The following CDYL variants were observed in gnomAD, a reference collection of about 807,000 sequenced individuals.
CDYL encodes the protein chromodomain Y like.
CDYL carries 8 observed loss-of-function variants against 47.3 expected under a neutral mutation model. The ratio of observed to expected loss-of-function variants is 0.17; its 90% CI spans 0.10 to 0.31. CDYL has a LOEUF of 0.31. CDYL is among the 10% of genes least tolerant of loss of function. CDYL has a pLI of 1.00. For missense variants in CDYL, 471 were observed against 701.4 expected (o/e 0.67, Z 3.71); for synonymous variants, 266 against 265.0 (o/e 1.00, Z -0.04).
intron 2 of CDYL, among the ~76,000 whole-genome samples, chr6:4,893,283 C>G (rs1187614296): frequency 6.6e-6 from 1 of 152,252 alleles, no homozygotes; most frequent in Admixed American, 6.5e-5. Flanking sequence ...CCGCTGCCCT[C>G]TGGCTCGCTC....
intron 1 of CDYL, among the ~76,000 whole-genome samples, chr6:4,712,773 G>A (rs1476195887): frequency 2.6e-5 from 4 of 152,188 alleles, no homozygotes; most frequent in African/African-American, 4.8e-5. Context: ...AAGCATTCAC[G>A]ACTCACGTGC....
rs147393528 is a variant in CDYL at position 4,784,865 on chromosome 6, GTCTCATGAGA to G, written c.24+8066_24+8075del. Among the ~76,000 whole-genome samples the G allele has an allele frequency of 7.1e-3, 1,085 of 152,218 alleles. 32 individuals are homozygous for G. Among genetic ancestry groups the G allele is most frequent in the East Asian group, 0.059 (307 of 5,174 alleles). On this transcript the variant is annotated intron_variant, in intron 1 of 6. Coordinates refer to ENST00000397588, the MANE Select transcript of CDYL (RefSeq NM_004824.4). Reference sequence around the variant, plus strand: ...TCCCTTGCTGTTCTCCTGATAGTGAGTCTCATGAGATCTCATGGTTTGATAAAAAGGAGTT... The same window carrying G: ...TCCCTTGCTGTTCTCCTGATAGTGAGTCTCATGGTTTGATAAAAAGGAGTT...
intron 1 of CDYL, among the ~76,000 whole-genome samples, chr6:4,846,129 A>G (rs1389860381): frequency 1.3e-5 from 2 of 152,086 alleles, no homozygotes; most frequent in Admixed American, 1.3e-4. Flanking sequence ...AATTTTATAA[A>G]TGCAAATTCT....
At chr6:4,723,403 C>T (rs1207735073) in intron 2 of CDYL, among the ~76,000 whole-genome samples, 2 of 151,952 alleles carry the variant, frequency 1.3e-5, no homozygotes, top group Non-Finnish European at 2.9e-5. Context: ...AGGCAGGAGA[C>T]GGACAGTACA....
chr6:4,942,365 T>A (rs1201069120), intron 4 of CDYL, among the ~76,000 whole-genome samples: 1 of 151,764 alleles, frequency 6.6e-6, no homozygotes, highest in Non-Finnish European at 1.5e-5. Context: ...TCTCGGGGAG[T>A]TGAGTGGGGA....
At chr6:4,719,009 C>T (rs1217849665) in intron 2 of CDYL, among the ~76,000 whole-genome samples, 1 of 151,966 alleles carries the variant, frequency 6.6e-6, no homozygotes, top group African/African-American at 2.4e-5. Context: ...CTGCAACCTC[C>T]ACCTCCTGGG....
chr6:4,820,035 C>A (rs1299125212), intron 1 of CDYL, among the ~76,000 whole-genome samples: 1 of 152,038 alleles, frequency 6.6e-6, no homozygotes, highest in East Asian at 1.9e-4. Context: ...GAGGGGCCAT[C>A]CTAGGCCGTG....
chr6:4,925,099 G>GTTTGAGTGTGT (rs748547605), intron 2 of CDYL, among the ~76,000 whole-genome samples: 5 of 152,306 alleles, frequency 3.3e-5, no homozygotes, highest in Admixed American at 1.3e-4. Context: ...GTGGGTGGCT[G>GTTTGAGTGTGT]TTTGAGTGTG....
In CDYL at chr6:4,766,841, C is replaced by CA. The variant is rs1048555210; in HGVS notation, c.186+32006dup. 2.7e-5 allele frequency among the ~76,000 whole-genome samples: 4 copies of CA among 150,254 alleles called. No individual in the cohort carries two copies. In the East Asian group the frequency reaches 5.9e-4, roughly 22 times the overall value. ...CAATCTGGTGAAACCCTGTTCTCCA[C>CA]AAAAAAAAAGTTGGCCGGGCATGGT... On this transcript the variant is annotated intron_variant, in intron 3 of 8. Coordinates refer to the CDYL transcript ENST00000328908.
At position 4,799,443 on chromosome 6, in the gene CDYL, A is replaced by AT. The variant is rs968387173; in HGVS notation, c.24+22646dup. 5.4e-4 allele frequency among the ~76,000 whole-genome samples: 80 copies of AT among 148,996 alleles called. 1 individual carries two copies. Among genetic ancestry groups the AT allele is most frequent in the Middle Eastern group, 6.9e-3 (2 of 288 alleles). On this transcript the variant is annotated intron_variant, in intron 1 of 6. Coordinates refer to ENST00000397588, the MANE Select transcript of CDYL (RefSeq NM_004824.4). ...GTTGGTATGGTCACATAGGTCTCCCATTTTTTTTTTATTTTTTTATTTTTT... is the reference window on the plus strand; with the variant it reads ...GTTGGTATGGTCACATAGGTCTCCCATTTTTTTTTTTATTTTTTTATTTTTT...
At chr6:4,729,374 G>A (rs1041809813) in intron 2 of CDYL, among the ~76,000 whole-genome samples, 5 of 152,030 alleles carry the variant, frequency 3.3e-5, no homozygotes, top group African/African-American at 1.2e-4. Flanking sequence ...TCAACAAGTC[G>A]ACTGAGCATG....
chr6:4,811,798 A>T (rs1468243155), intron 1 of CDYL, among the ~76,000 whole-genome samples: 1 of 151,904 alleles, frequency 6.6e-6, no homozygotes, highest in African/African-American at 2.4e-5. Flanking sequence ...ATACTAAATT[A>T]ATTTATTTAG....
At chr6:4,736,921 A>T (rs1046864605) in intron 3 of CDYL, among the ~76,000 whole-genome samples, 2 of 152,200 alleles carry the variant, frequency 1.3e-5, no homozygotes, top group African/African-American at 4.8e-5. Context: ...CACTGATGGG[A>T]CAAGCAACTC....
At chr6:4,766,541 C>A (rs936314507) in intron 3 of CDYL, among the ~76,000 whole-genome samples, 2 of 152,116 alleles carry the variant, frequency 1.3e-5, no homozygotes, top group East Asian at 3.9e-4. Context: ...GAATTTGAAT[C>A]TATAATTTAA....
intron 1 of CDYL, among the ~76,000 whole-genome samples, chr6:4,822,605 C>G (rs1759872705): frequency 6.6e-6 from 1 of 152,192 alleles, no homozygotes; most frequent in South Asian, 2.1e-4. Flanking sequence ...CACCAGCAGC[C>G]ATTCTCTGGA....
At chr6:4,934,983 A>C (rs982001936) in intron 2 of CDYL, among the ~76,000 whole-genome samples, 1 of 152,014 alleles carries the variant, frequency 6.6e-6, no homozygotes, top group African/African-American at 2.4e-5. Context: ...GCTAGAAACA[A>C]CTCCTGAGTG....
chr6:4,900,774 C>CGTGTGTGTGTGTGT lies in CDYL; in HGVS notation c.691+8401_691+8402insGTGTGTGTGTGTGT, dbSNP rs368919776. On this transcript the variant is annotated intron_variant, in intron 2 of 6. Coordinates refer to ENST00000397588, the MANE Select transcript of CDYL (RefSeq NM_004824.4). ...TTCATTCTTCTGTTAATTCCGTATA[C>CGTGTGTGTGTGTGT]GTGTGTATATATATATATATATATA... Among the ~76,000 whole-genome samples, 182 of 26,908 alleles carry CGTGTGTGTGTGTGT rather than the reference C, an allele frequency of 6.8e-3. 13 individuals carry two copies. Among genetic ancestry groups the CGTGTGTGTGTGTGT allele is most frequent in the African/African-American group, 0.026 (175 of 6,852 alleles). The allele number at this position is 26,908 out of a possible 152,430, so 17.7% of individuals were successfully genotyped here. A position where few individuals can be genotyped will look rare whatever the true frequency, so the allele number is the denominator to read the frequency against.
At chr6:4,866,878 G>A (rs1761338698) in intron 1 of CDYL, among the ~76,000 whole-genome samples, 1 of 151,976 alleles carries the variant, frequency 6.6e-6, no homozygotes, top group South Asian at 2.1e-4. Flanking sequence ...AAACAGTCAA[G>A]GGAATGGATT....
At chr6:4,742,428 A>C (rs549146011) in intron 3 of CDYL, among the ~76,000 whole-genome samples, 1 of 151,930 alleles carries the variant, frequency 6.6e-6, no homozygotes, top group East Asian at 1.9e-4. Context: ...GGTCCATAGC[A>C]ATGATCAAAT....
Sources: gnomAD v4.1 joint callset for allele counts (sites outside exome capture counted in the v4.1 genomes callset) on GRCh38, gnomAD v4.1.1 for gene constraint, MANE v1.5 for transcripts, NCBI Gene and HGNC (gene_info 2026-07-23, HGNC 2026-07-21) for gene names.